UNC13C: variants seen among roughly 807,000 people sequenced by gnomAD.
UNC13C encodes protein unc-13 homolog C.
UNC13C carries 174 observed loss-of-function variants against 245.4 expected under a neutral mutation model. The ratio of observed to expected loss-of-function variants is 0.71; its 90% CI spans 0.63 to 0.80. The LOEUF (loss-of-function observed/expected upper bound fraction) is 0.80, where lower values mean the gene tolerates loss of function less well. UNC13C is among the 30% of genes least tolerant of loss of function. UNC13C has a pLI of 0.00. For synonymous variants in UNC13C, 992 were observed against 895.1 expected (o/e 1.11, Z -1.93); for missense variants, 2,829 against 2,602.9 (o/e 1.09, Z -1.89).
At chr15:53,879,721 G>C in the UNC13C span, among the ~76,000 whole-genome samples, 1 of 152,124 alleles carries the variant, frequency 6.6e-6, no homozygotes. Context: ...CCAAGTAGCT[G>C]GGATTACAGG....
At chr15:54,470,406 T>C (rs1259310650) in intron 19 of UNC13C, among the ~76,000 whole-genome samples, 1 of 151,592 alleles carries the variant, frequency 6.6e-6, no homozygotes, top group Non-Finnish European at 1.5e-5. Context: ...ATTTAATTAC[T>C]GATTCAGTCT....
intron 2 of UNC13C, among the ~76,000 whole-genome samples, chr15:54,062,830 C>T (rs563719086): frequency 7.2e-5 from 11 of 152,142 alleles, no homozygotes; most frequent in Admixed American, 2.0e-4. Flanking sequence ...AATAATTGAC[C>T]GCTGCAAATA....
chr15:54,048,280 A>G (rs1897125448), intron 2 of UNC13C, among the ~76,000 whole-genome samples: 1 of 152,138 alleles, frequency 6.6e-6, no homozygotes, highest in African/African-American at 2.4e-5. Flanking sequence ...CTCTCAATCT[A>G]TTTGGAGACC....
intron 19 of UNC13C, among the ~76,000 whole-genome samples, chr15:54,457,912 T>A (rs1463415024): frequency 1.3e-5 from 2 of 151,354 alleles, no homozygotes; most frequent in Non-Finnish European, 1.5e-5. Flanking sequence ...TTTTCCTTTT[T>A]TTTTTCTGCT....
chr15:53,982,404 T>A (rs1436253919), intron 1 of UNC13C, among the ~76,000 whole-genome samples: 1 of 151,412 alleles, frequency 6.6e-6, no homozygotes, highest in Admixed American at 6.7e-5. Flanking sequence ...AAAAGAGCAG[T>A]GATTGGACAG....
chr15:54,030,353 C>T (rs139596005), intron 2 of UNC13C, among the ~76,000 whole-genome samples: 172 of 151,936 alleles, frequency 1.1e-3, no homozygotes, highest in African/African-American at 4.0e-3. Flanking sequence ...TATTCAAATA[C>T]CTGCCCCTGC....
intron 19 of UNC13C, among the ~76,000 whole-genome samples, chr15:54,478,104 T>C (rs1892879326): frequency 6.6e-6 from 1 of 151,794 alleles, no homozygotes; most frequent in South Asian, 2.1e-4. Flanking sequence ...CGTAGAGGTG[T>C]TTGTAGTATT....
intron 2 of UNC13C, among the ~76,000 whole-genome samples, chr15:54,057,524 A>G (rs993708528): frequency 0.01 from 1,551 of 151,934 alleles, 30 homozygotes; most frequent in African/African-American, 0.036. Context: ...AGACTTTAAC[A>G]CCCCACTGTC....
At chr15:53,968,012 T>C in the UNC13C span, 3 of 152,176 alleles carry the variant, frequency 2.0e-5, no homozygotes, top group Non-Finnish European at 4.4e-5. Context: ...CTGGAATTGA[T>C]CTGTACTCTG....
At chr15:53,875,334 G>A in the UNC13C span, among the ~76,000 whole-genome samples, 2 of 152,064 alleles carry the variant, frequency 1.3e-5, no homozygotes, top group African/African-American at 2.4e-5. Context: ...GCAGACTAGC[G>A]CAAGATTTCT....
chr15:53,877,704 G>A, the UNC13C span, among the ~76,000 whole-genome samples: 3,628 of 152,190 alleles, frequency 0.024, 92 homozygotes, highest in East Asian at 0.13. Flanking sequence ...ATAGAGAAAT[G>A]TACAGATGTT....
At chr15:53,869,599 T>C in the UNC13C span, among the ~76,000 whole-genome samples, 1 of 152,182 alleles carries the variant, frequency 6.6e-6, no homozygotes, top group Non-Finnish European at 1.5e-5. Context: ...GCGGGGGCTG[T>C]CCCGCAGACC....
chr15:53,850,617 A>G, the UNC13C span, among the ~76,000 whole-genome samples: 1 of 151,976 alleles, frequency 6.6e-6, no homozygotes, highest in Non-Finnish European at 1.5e-5. Flanking sequence ...TTTCTTCTTT[A>G]TCACTGGATT....
chr15:54,135,334 C>G (rs1027405042), intron 2 of UNC13C, among the ~76,000 whole-genome samples: 3 of 152,054 alleles, frequency 2.0e-5, no homozygotes, highest in African/African-American at 7.2e-5. Flanking sequence ...TATTTTGTTG[C>G]CTGCATTTCC....
chr15:54,213,949 G>A (rs1478105197), intron 4 of UNC13C, among the ~76,000 whole-genome samples: 1 of 151,916 alleles, frequency 6.6e-6, no homozygotes, highest in Non-Finnish European at 1.5e-5. Context: ...AGGCACAGAC[G>A]GAGCTACCAA....
intron 17 of UNC13C, among the ~76,000 whole-genome samples, chr15:54,340,955 A>T (rs962784646): frequency 6.6e-6 from 1 of 152,182 alleles, no homozygotes; most frequent in Non-Finnish European, 1.5e-5. Flanking sequence ...TCAAAAAACA[A>T]TACATGCTGG....
the UNC13C span, among the ~76,000 whole-genome samples, chr15:53,875,638 G>C: frequency 6.6e-6 from 1 of 152,272 alleles, no homozygotes; most frequent in Admixed American, 6.5e-5. Flanking sequence ...GTGTAAGATT[G>C]ATTGAGCAGG....
chr15:54,046,469 T>G (rs185522665), intron 2 of UNC13C, among the ~76,000 whole-genome samples: 1 of 152,302 alleles, frequency 6.6e-6, no homozygotes, highest in Non-Finnish European at 1.5e-5. Context: ...TGCATTTATT[T>G]TATTGTGAAT....
At chr15:54,568,072 G>T (rs1249826516) in intron 30 of UNC13C, 125 bp downstream of exon 30, 3 of 657,266 alleles carry the variant, frequency 4.6e-6, no homozygotes, top group African/African-American at 3.7e-5. Flanking sequence ...ATTAAAAATG[G>T]AGAGTTATGG....
Sources: allele counts gnomAD v4.1 joint callset (sites outside exome capture counted in the v4.1 genomes callset), GRCh38; gene constraint gnomAD v4.1.1; transcripts MANE v1.5; gene names NCBI Gene and HGNC (gene_info 2026-07-23, HGNC 2026-07-21).